Variants in FMN2 observed in about 807,000 individuals in gnomAD.
FMN2 encodes the protein formin 2.
Under a neutral mutation model 142.3 loss-of-function variants are expected in FMN2, and 51 were observed. The ratio of observed to expected loss-of-function variants is 0.36; its 90% CI spans 0.29 to 0.45. The LOEUF (loss-of-function observed/expected upper bound fraction) is 0.45. Among genes scored for constraint, FMN2 ranks in the 20% least tolerant of loss-of-function variants. The pLI, the probability that FMN2 is intolerant of heterozygous loss-of-function variation, is 1.00. For synonymous variants in FMN2, 882 were observed against 869.8 expected (o/e 1.01, Z -0.25); for missense variants, 1,936 against 2,122.8 (o/e 0.91, Z 1.73).
At chr1:240,463,154 G>C (rs1676501846) in intron 16 of FMN2, among the ~76,000 whole-genome samples, 1 of 152,162 alleles carries the variant, frequency 6.6e-6, no homozygotes, top group Non-Finnish European at 1.5e-5. Flanking sequence ...TCCCGTGTTT[G>C]TAAAGGATGG....
At chr1:240,198,358 C>T (rs1256645334) in intron 4 of FMN2, among the ~76,000 whole-genome samples, 1 of 152,164 alleles carries the variant, frequency 6.6e-6, no homozygotes, top group Admixed American at 6.6e-5. Context: ...GTATCAGCTC[C>T]CATTCTAAAG....
intron 6 of FMN2, among the ~76,000 whole-genome samples, chr1:240,214,536 G>A (rs1204801605): frequency 2.2e-5 from 3 of 139,026 alleles, no homozygotes; most frequent in East Asian, 4.1e-4. Context: ...GGGCAATAGA[G>A]TGAGACTCCA....
At chr1:240,195,885 G>A (rs1447095361) in intron 4 of FMN2, among the ~76,000 whole-genome samples, 1 of 152,078 alleles carries the variant, frequency 6.6e-6, no homozygotes, top group Non-Finnish European at 1.5e-5. Flanking sequence ...GCTGGCCATG[G>A]TGGCATGAGC....
rs557310118 is a variant in FMN2 at position 240,125,667 on chromosome 1, C to T, written c.1782+2322C>T. Reference sequence around the variant, plus strand: ...CCCAGAAGTGAACAGTCTTGCCAGTCGATAAATGTAGAATTGGATAAACAG... The same window carrying T: ...CCCAGAAGTGAACAGTCTTGCCAGTTGATAAATGTAGAATTGGATAAACAG... On this transcript the variant is annotated intron_variant, in intron 2 of 17. Transcript: ENST00000319653. Among the ~76,000 whole-genome samples the T allele has an allele frequency of 1.5e-4, 23 of 152,286 alleles. No homozygotes were observed. The East Asian group carries it at 3.7e-3, about 24-fold the overall frequency.
At chr1:240,331,849 C>A (rs1323760465) in intron 11 of FMN2, among the ~76,000 whole-genome samples, 1 of 152,132 alleles carries the variant, frequency 6.6e-6, no homozygotes, top group Non-Finnish European at 1.5e-5. Flanking sequence ...TAACACAAAG[C>A]CTATTTTATA....
intron 10 of FMN2, 65 bp downstream of exon 10, chr1:240,329,533 T>C (rs567672393): frequency 5.8e-6 from 9 of 1,561,882 alleles, no homozygotes; most frequent in Admixed American, 2.0e-5. Context: ...CATGTTCTTA[T>C]TTCAGAAAAG....
chr1:240,177,132 A>G (rs1664950861), intron 2 of FMN2, among the ~76,000 whole-genome samples: 1 of 152,200 alleles, frequency 6.6e-6, no homozygotes, highest in South Asian at 2.1e-4. Context: ...AATATAGGGC[A>G]TGCATATATT....
At chr1:240,342,879 A>G (rs895435972) in intron 13 of FMN2, among the ~76,000 whole-genome samples, 4 of 152,036 alleles carry the variant, frequency 2.6e-5, no homozygotes, top group Admixed American at 2.6e-4. Flanking sequence ...TTTTTTCATT[A>G]TATGGAAACA....
intron 2 of FMN2, among the ~76,000 whole-genome samples, chr1:240,162,839 C>T (rs1457771942): frequency 6.6e-6 from 1 of 152,146 alleles, no homozygotes; most frequent in Admixed American, 6.5e-5. Flanking sequence ...GGATATTTAA[C>T]ATACTGATTT....
At chr1:240,178,621 G>A (rs2103325091) in intron 3 of FMN2, among the ~76,000 whole-genome samples, 2 of 151,932 alleles carry the variant, frequency 1.3e-5, no homozygotes, top group South Asian at 4.1e-4. Context: ...TTTTTGTAGA[G>A]CCAGAGTCTC....
chr1:240,142,475 A>ATATTTATTTATTTATT (rs142700570), intron 2 of FMN2, among the ~76,000 whole-genome samples: 3,988 of 146,198 alleles, frequency 0.027, 66 homozygotes, highest in African/African-American at 0.039. Context: ...AAACCTTTTC[A>ATATTTATTTATTTATT]TATTTATTTA....
At chr1:240,174,527 T>TA (rs1334950654) in intron 2 of FMN2, among the ~76,000 whole-genome samples, 3 of 152,226 alleles carry the variant, frequency 2.0e-5, no homozygotes, top group African/African-American at 4.8e-5. Flanking sequence ...GCTAATTTTT[T>TA]AAAAATTTTT....
chr1:240,330,129 G>T (rs1441903688), intron 10 of FMN2, among the ~76,000 whole-genome samples: 1 of 152,174 alleles, frequency 6.6e-6, no homozygotes, highest in Non-Finnish European at 1.5e-5. Context: ...CTCTTTGGGG[G>T]TAAACCTAAA....
intron 16 of FMN2, among the ~76,000 whole-genome samples, chr1:240,443,637 C>T (rs1384051122): frequency 6.6e-6 from 1 of 152,134 alleles, no homozygotes. Flanking sequence ...CCTGTAATCC[C>T]AGCTACTCTG....
intron 13 of FMN2, among the ~76,000 whole-genome samples, chr1:240,355,482 A>G (rs1000111662): frequency 2.6e-5 from 4 of 152,188 alleles, no homozygotes; most frequent in African/African-American, 4.8e-5. Flanking sequence ...TCTGATCCTT[A>G]TAACTGCACA....
chr1:240,192,481 A>G (rs979582521), intron 4 of FMN2, among the ~76,000 whole-genome samples: 2 of 152,192 alleles, frequency 1.3e-5, no homozygotes, highest in Non-Finnish European at 2.9e-5. Flanking sequence ...CCAAGGCAAA[A>G]GGTAATATGA....
intron 7 of FMN2, among the ~76,000 whole-genome samples, chr1:240,280,081 A>T (rs758325906): frequency 6.6e-6 from 1 of 151,676 alleles, no homozygotes; most frequent in Non-Finnish European, 1.5e-5. Context: ...CTTCTCAGTC[A>T]TATGTTACAA....
At chr1:240,418,198 A>G (rs1282897830) in intron 15 of FMN2, among the ~76,000 whole-genome samples, 2 of 148,194 alleles carry the variant, frequency 1.3e-5, no homozygotes, top group Admixed American at 6.8e-5. Flanking sequence ...TATATTTATT[A>G]TGATTTTTTT....
chr1:240,336,955 T>C (rs1340323039), intron 13 of FMN2, among the ~76,000 whole-genome samples: 1 of 152,042 alleles, frequency 6.6e-6, no homozygotes, highest in South Asian at 2.1e-4. Flanking sequence ...AAGGAAATCT[T>C]ATGGACTGAA....
Sources: allele counts gnomAD v4.1 joint callset (sites outside exome capture counted in the v4.1 genomes callset), GRCh38; gene constraint gnomAD v4.1.1; transcripts MANE v1.5; gene names NCBI Gene and HGNC (gene_info 2026-07-23, HGNC 2026-07-21).